CNTN5: variants seen among roughly 807,000 people sequenced by gnomAD.
CNTN5 encodes the protein contactin 5.
In CNTN5, 77 loss-of-function variants were observed where a neutral mutation model predicts 129.1. The observed-to-expected ratio is 0.60, with a 90% CI of 0.50 to 0.72. The LOEUF (loss-of-function observed/expected upper bound fraction) is 0.72. CNTN5 is among the 30% of genes least tolerant of loss of function. The pLI, the probability that CNTN5 is intolerant of heterozygous loss-of-function variation, is 0.00. For synonymous variants in CNTN5, 509 were observed against 465.6 expected, an observed-to-expected ratio of 1.09 and a Z score of -1.20; for missense variants, 1,478 against 1,328.8, an observed-to-expected ratio of 1.11 and a Z score of -1.75.
At chr11:99,553,721 A>T (rs1948571759) in intron 2 of CNTN5, among the ~76,000 whole-genome samples, 1 of 151,988 alleles carries the variant, frequency 6.6e-6, no homozygotes, top group Admixed American at 6.6e-5. Flanking sequence ...ATTATGTTGT[A>T]CTACATAAAT....
intron 1 of CNTN5, among the ~76,000 whole-genome samples, chr11:99,056,402 G>A (rs895757967): frequency 2.6e-5 from 4 of 151,920 alleles, no homozygotes; most frequent in Admixed American, 2.6e-4. Flanking sequence ...AAAAAACTAA[G>A]GGTGGGTCAA....
In CNTN5 at chr11:99,692,240, A is replaced by C. The variant is rs375385215; in HGVS notation, c.56-127304A>C. On this transcript the variant is annotated intron_variant, in intron 3 of 24. Transcript: ENST00000524871. The stretch of plus-strand genomic sequence containing the variant: ...TAATTGGGGCATTTAGCCCATTTAC[A>C]TTCAAGGTTATTGTTATGTGTGGAT... Among the ~76,000 whole-genome samples, 23 of 152,252 alleles carry C rather than the reference A, an allele frequency of 1.5e-4. No individual in the cohort carries two copies. In the East Asian group the frequency reaches 4.4e-3, roughly 29 times the overall value.
At chr11:99,636,073 A>T (rs1162852879) in intron 3 of CNTN5, among the ~76,000 whole-genome samples, 1 of 144,344 alleles carries the variant, frequency 6.9e-6, no homozygotes, top group Non-Finnish European at 1.5e-5. Context: ...AGAAAACTAT[A>T]TAACTAGGAA....
intron 1 of CNTN5, among the ~76,000 whole-genome samples, chr11:99,064,654 A>C (rs1302295801): frequency 6.6e-6 from 1 of 152,040 alleles, no homozygotes; most frequent in Non-Finnish European, 1.5e-5. Flanking sequence ...CTAAACTTGA[A>C]CCCAAATGTT....
chr11:99,530,277 C>A (rs1368843343), intron 2 of CNTN5, among the ~76,000 whole-genome samples: 1 of 152,116 alleles, frequency 6.6e-6, no homozygotes, highest in Non-Finnish European at 1.5e-5. Context: ...CATCCTTTTG[C>A]AATCAGTCTG....
chr11:100,202,515 C>T (rs985514879), intron 15 of CNTN5, among the ~76,000 whole-genome samples: 1 of 150,334 alleles, frequency 6.7e-6, no homozygotes, highest in African/African-American at 2.4e-5. Flanking sequence ...TGCCAGAAAA[C>T]ATATTTCTAT....
At position 100,341,191 on chromosome 11, in the gene CNTN5, G is replaced by A. The variant is rs200028794; in HGVS notation, c.3016G>A (p.Val1006Ile). The stretch of plus-strand genomic sequence containing the variant: ...CATACCATTAGCCAACGAATCTGAA[G>A]TTGTGGGTTACAAGGTCAGTATTTC... Reference protein sequence around the residue: ...PVIPLANESEVVGYKVFYRQE... With the variant: ...PVIPLANESEIVGYKVFYRQE... Residue 1006 changes from valine to isoleucine, a missense_variant, in exon 23 of 25, where the codon GTT becomes ATT. Val to Ile is a conservative substitution (Grantham distance 29). Coordinates refer to ENST00000524871, the MANE Select transcript of CNTN5 (RefSeq NM_014361.4). 4 of 1,612,720 alleles carry A rather than the reference G, an allele frequency of 2.5e-6. No homozygotes were observed. Among genetic ancestry groups the A allele is most frequent in the Admixed American group, 1.7e-5 (1 of 59,984 alleles).
At chr11:99,410,031 T>C (rs192818699) in intron 2 of CNTN5, among the ~76,000 whole-genome samples, 4 of 152,320 alleles carry the variant, frequency 2.6e-5, no homozygotes, top group Admixed American at 2.6e-4. Context: ...AGTTATAAGG[T>C]GTTTTGCCAG....
intron 2 of CNTN5, among the ~76,000 whole-genome samples, chr11:99,394,179 T>G (rs1941405497): frequency 6.6e-6 from 1 of 151,742 alleles, no homozygotes; most frequent in Non-Finnish European, 1.5e-5. Flanking sequence ...TTATTGAATA[T>G]CAACTTGTGT....
At chr11:100,015,736 T>G (rs1940787668) in intron 9 of CNTN5, among the ~76,000 whole-genome samples, 1 of 152,114 alleles carries the variant, frequency 6.6e-6, no homozygotes, top group Non-Finnish European at 1.5e-5. Context: ...CATGATAAAA[T>G]TTTTTAGTAT....
chr11:99,838,193 T>C, intron 4 of CNTN5, among the ~76,000 whole-genome samples: 1 of 152,146 alleles, frequency 6.6e-6, no homozygotes, highest in East Asian at 1.9e-4. Context: ...TATGACCTCA[T>C]GTATTACTGG....
intron 8 of CNTN5, among the ~76,000 whole-genome samples, chr11:99,961,236 T>C (rs1334317386): frequency 1.5e-5 from 2 of 136,800 alleles, no homozygotes; most frequent in African/African-American, 2.8e-5. Context: ...CAGTAGAATA[T>C]AGTGTCAAGG....
chr11:99,119,057 A>T (rs1858179816), intron 1 of CNTN5, among the ~76,000 whole-genome samples: 1 of 152,014 alleles, frequency 6.6e-6, no homozygotes, highest in Non-Finnish European at 1.5e-5. Context: ...CACAATGAAA[A>T]TTTTCTAGAT....
chr11:99,257,170 A>G lies in CNTN5; in HGVS notation c.-209-68176A>G, dbSNP rs937035291. 2.0e-5 allele frequency among the ~76,000 whole-genome samples: 3 copies of G among 152,154 alleles called. No homozygotes were observed. In the South Asian group the frequency reaches 6.2e-4, roughly 31 times the overall value. ...GGGAGAATTCAACAAATTTATTTCC[A>G]TTCTCTATTAGATTTAGGAATAAAA... On this transcript the variant is annotated intron_variant, in intron 1 of 24. Transcript: ENST00000524871.
chr11:99,906,863 T>G (rs1949521040), intron 6 of CNTN5, among the ~76,000 whole-genome samples: 1 of 152,114 alleles, frequency 6.6e-6, no homozygotes, highest in Non-Finnish European at 1.5e-5. Context: ...TTCTTTCTTC[T>G]TTAGTCTTGG....
chr11:99,443,735 G>C (rs1565586641), intron 2 of CNTN5, among the ~76,000 whole-genome samples: 1 of 152,140 alleles, frequency 6.6e-6, no homozygotes, highest in Non-Finnish European at 1.5e-5. Context: ...TAGGAAGTGG[G>C]TCATTGGCTG....
Position 99,654,552 on chromosome 11 carries a change from A to G in CNTN5, c.55+98283A>G, listed in dbSNP as rs189881347. On this transcript the variant is annotated intron_variant, in intron 3 of 24. Coordinates refer to ENST00000524871, the MANE Select transcript of CNTN5 (RefSeq NM_014361.4). ...ATTAAAAATGATGTAGGTTTCAATC[A>G]AATCAGATTTTCTGATCTACATCTA... is the stretch of plus-strand genomic sequence containing the variant. 2.2e-3 allele frequency among the ~76,000 whole-genome samples: 340 copies of G among 152,244 alleles called. 1 individual carries two copies. The highest frequency in any genetic ancestry group is 7.5e-3 in the African/African-American group (310 of 41,558).
intron 16 of CNTN5, among the ~76,000 whole-genome samples, chr11:100,233,246 A>AG (rs1164048439): frequency 6.6e-6 from 1 of 150,790 alleles, no homozygotes; most frequent in Non-Finnish European, 1.5e-5. Flanking sequence ...GTGGAAGGGA[A>AG]GAAAAAAAGG....
chr11:99,927,687 C>G (rs1034635445), intron 7 of CNTN5, among the ~76,000 whole-genome samples: 25 of 152,084 alleles, frequency 1.6e-4, no homozygotes, highest in Admixed American at 1.5e-3. Flanking sequence ...ATTAAATTAC[C>G]TCTCACCAGG....
Sources: gnomAD v4.1 joint callset for allele counts (sites outside exome capture counted in the v4.1 genomes callset) on GRCh38, gnomAD v4.1.1 for gene constraint, MANE v1.5 for transcripts, NCBI Gene and HGNC (gene_info 2026-07-23, HGNC 2026-07-21) for gene names.